JAZF1: variants seen among roughly 807,000 people sequenced by gnomAD.
The protein encoded by JAZF1 is juxtaposed with another zinc finger protein 1.
A neutral mutation model predicts 26.4 loss-of-function variants in JAZF1; 8 were observed. The ratio of observed to expected loss-of-function variants is 0.30; its 90% CI spans 0.18 to 0.55. JAZF1 has a LOEUF of 0.55. Ranked by LOEUF, JAZF1 falls within the 20% of genes least tolerant of loss-of-function variation. The pLI is 0.94. For missense variants in JAZF1, 199 were observed against 322.0 expected, an observed-to-expected ratio of 0.62 and a Z score of 2.92; for synonymous variants, 126 against 122.3, an observed-to-expected ratio of 1.03 and a Z score of -0.20.
chr7:27,910,552 T>C (rs1784344253), intron 2 of JAZF1, among the ~76,000 whole-genome samples: 1 of 152,202 alleles, frequency 6.6e-6, no homozygotes, highest in South Asian at 2.1e-4. Flanking sequence ...CAATCCTGTT[T>C]ATCCTGCTGG....
chr7:27,989,776 A>C (rs1243262968), intron 2 of JAZF1, among the ~76,000 whole-genome samples: 1 of 152,210 alleles, frequency 6.6e-6, no homozygotes, highest in East Asian at 1.9e-4. Context: ...TCAAAAAGTC[A>C]GGAAACAACA....
chr7:28,038,382 G>A (rs960019821), intron 1 of JAZF1, among the ~76,000 whole-genome samples: 4 of 152,068 alleles, frequency 2.6e-5, no homozygotes, highest in African/African-American at 7.2e-5. Context: ...ATCCAAAGTA[G>A]ACTTGAACTT....
chr7:27,889,629 A>C (rs1180333715), intron 3 of JAZF1, among the ~76,000 whole-genome samples: 5 of 152,192 alleles, frequency 3.3e-5, no homozygotes, highest in Non-Finnish European at 7.4e-5. Flanking sequence ...CTCTTAAATA[A>C]AAGATAAAAT....
chr7:28,123,853 A>G (rs1336788654), intron 1 of JAZF1, among the ~76,000 whole-genome samples: 3 of 152,210 alleles, frequency 2.0e-5, no homozygotes, highest in African/African-American at 7.2e-5. Context: ...TCAAGGGGGC[A>G]GGTAATATTA....
intron 2 of JAZF1, among the ~76,000 whole-genome samples, chr7:27,959,892 G>C (rs1261223164): frequency 3.5e-5 from 2 of 57,380 alleles, no homozygotes; most frequent in Non-Finnish European, 6.4e-5. Context: ...AGAGTGAGAT[G>C]CTGTCTCAAA....
intron 1 of JAZF1, among the ~76,000 whole-genome samples, chr7:28,019,027 C>G (rs1562560890): frequency 6.6e-6 from 1 of 152,300 alleles, no homozygotes; most frequent in East Asian, 1.9e-4. Flanking sequence ...TACATAAGCC[C>G]TGTTTCTCTA....
At chr7:27,960,651 G>A (rs918922950) in intron 2 of JAZF1, among the ~76,000 whole-genome samples, 1 of 152,184 alleles carries the variant, frequency 6.6e-6, no homozygotes, top group Non-Finnish European at 1.5e-5. Context: ...TTGAGGGGTT[G>A]GCACATCAGC....
At position 27,832,699 on chromosome 7, in the gene JAZF1, T is replaced by C. The variant is rs149983347; in HGVS notation, c.*101A>G. On this transcript the variant is annotated 3_prime_UTR_variant, in exon 5 of 5. Coordinates refer to ENST00000283928, the MANE Select transcript of JAZF1 (RefSeq NM_175061.4). Reference sequence around the variant, plus strand: ...ATTTAAAGCATGCATTTAATTCTTTTTCTTTAAAGGGTTGCTGAATGCTTC... The same window carrying C: ...ATTTAAAGCATGCATTTAATTCTTTCTCTTTAAAGGGTTGCTGAATGCTTC... The C allele has an allele frequency of 2.7e-4, 259 of 977,212 alleles. 3 individuals are homozygous for C. The South Asian group carries it at 5.2e-3, about 20-fold the overall frequency. The allele number at this position is 977,212 out of a possible 1,614,324, so 60.5% of individuals were successfully genotyped here.
intron 1 of JAZF1, among the ~76,000 whole-genome samples, chr7:28,146,028 G>A (rs1783022901): frequency 6.6e-6 from 1 of 152,154 alleles, no homozygotes; most frequent in Admixed American, 6.5e-5. Context: ...GAAGCCTTAA[G>A]ATAAGCCCCA....
At chr7:28,171,509 G>A (rs963973070) in intron 1 of JAZF1, among the ~76,000 whole-genome samples, 13 of 152,278 alleles carry the variant, frequency 8.5e-5, no homozygotes, top group South Asian at 4.1e-4. Context: ...GAGTTTCTGG[G>A]GGAGGAAACA....
rs538874501 is a variant in JAZF1 at position 27,837,054 on chromosome 7, CTG to C, written c.555+3642_555+3643del. On this transcript the variant is annotated intron_variant, in intron 4 of 4. Transcript: ENST00000283928. Reference sequence around the variant, plus strand: ...TTTCTCAGTGTTTGAAAATGGGACACTGTATCTGGATCTGTCTCTGTTGCTGA... The same window carrying C: ...TTTCTCAGTGTTTGAAAATGGGACACTATCTGGATCTGTCTCTGTTGCTGA... Among the ~76,000 whole-genome samples the C allele has an allele frequency of 9.9e-5, 15 of 152,272 alleles. No homozygotes were observed. The East Asian group carries it at 2.7e-3, about 27-fold the overall frequency.
chr7:27,854,967 G>C (rs1443313642), intron 3 of JAZF1, among the ~76,000 whole-genome samples: 3 of 152,126 alleles, frequency 2.0e-5, no homozygotes, highest in African/African-American at 7.2e-5. Flanking sequence ...TTACAACTTG[G>C]TTCCATTCCC....
rs1320880866 is a variant in JAZF1 at position 27,831,575 on chromosome 7, C to T, written c.*1225G>A. On this transcript the variant is annotated 3_prime_UTR_variant, in exon 5 of 5. Coordinates refer to ENST00000283928, the MANE Select transcript of JAZF1 (RefSeq NM_175061.4). ...CATGCTTTTCTTTGACCACCTGCTG[C>T]AAGAAGCACTTAATTGTCAATAAGG... 1 of 226,676 alleles carries T rather than the reference C, an allele frequency of 4.4e-6. No homozygotes were observed. The highest frequency in any genetic ancestry group is 8.8e-6 in the Non-Finnish European group (1 of 113,706). 14.0% of individuals were successfully genotyped at this position (226,676 alleles called of 1,614,324 possible).
intron 2 of JAZF1, among the ~76,000 whole-genome samples, chr7:27,922,163 T>C (rs1036321606): frequency 6.6e-6 from 1 of 152,244 alleles, no homozygotes; most frequent in Non-Finnish European, 1.5e-5. Flanking sequence ...AGGAAGTGCA[T>C]TGAAGACAAA....
chr7:27,886,552 A>T (rs1365678016), intron 3 of JAZF1, among the ~76,000 whole-genome samples: 1 of 152,226 alleles, frequency 6.6e-6, no homozygotes, highest in Non-Finnish European at 1.5e-5. Context: ...GGGTGTGAAT[A>T]TACATCTTTT....
At chr7:28,121,256 C>T (rs1782599428) in intron 1 of JAZF1, among the ~76,000 whole-genome samples, 2 of 151,874 alleles carry the variant, frequency 1.3e-5, no homozygotes, top group African/African-American at 4.8e-5. Flanking sequence ...AATGCTTTAC[C>T]CTCCCCTCTG....
intron 1 of JAZF1, among the ~76,000 whole-genome samples, chr7:28,067,849 G>A (rs933085375): frequency 6.6e-6 from 1 of 152,142 alleles, no homozygotes; most frequent in Non-Finnish European, 1.5e-5. Flanking sequence ...ACAGAACCTA[G>A]ACTTCAGCCT....
intron 1 of JAZF1, among the ~76,000 whole-genome samples, chr7:28,023,939 A>T (rs1415550893): frequency 6.6e-6 from 1 of 152,170 alleles, no homozygotes; most frequent in African/African-American, 2.4e-5. Context: ...TTCTTAGAAT[A>T]GATAACATTT....
intron 2 of JAZF1, among the ~76,000 whole-genome samples, chr7:27,900,435 A>G (rs962823595): frequency 6.6e-6 from 1 of 152,240 alleles, no homozygotes; most frequent in South Asian, 2.1e-4. Flanking sequence ...TTATAACTAT[A>G]TTCTGTATAA....
Sources: allele counts gnomAD v4.1 joint callset (sites outside exome capture counted in the v4.1 genomes callset), GRCh38; gene constraint gnomAD v4.1.1; transcripts MANE v1.5; gene names NCBI Gene and HGNC (gene_info 2026-07-23, HGNC 2026-07-21).